TULP4: variants seen among roughly 807,000 people sequenced by gnomAD.
TULP4 encodes the protein tubby-related protein 4.
TULP4 carries 16 observed loss-of-function variants against 129.0 expected under a neutral mutation model. That is an observed-to-expected ratio of 0.12 (90% CI 0.08 to 0.19). TULP4 has a LOEUF of 0.19. Ranked by LOEUF, TULP4 falls within the 10% of genes least tolerant of loss-of-function variation. TULP4 has a pLI of 1.00. For synonymous variants in TULP4, 998 were observed against 854.0 expected (o/e 1.17, Z -2.94); for missense variants, 1,842 against 2,059.1 (o/e 0.89, Z 2.04).
intron 5 of TULP4, among the ~76,000 whole-genome samples, chr6:158,461,350 G>A (rs1349478778): frequency 2.6e-5 from 4 of 151,684 alleles, no homozygotes; most frequent in African/African-American, 4.8e-5. Context: ...GGCGGAGGTT[G>A]CAGTGAGCCG....
chr6:158,379,383 A>G (rs1777273466), intron 1 of TULP4, among the ~76,000 whole-genome samples: 1 of 152,228 alleles, frequency 6.6e-6, no homozygotes, highest in South Asian at 2.1e-4. Context: ...ACTAAACGCT[A>G]GAGTGCTCAG....
chr6:158,272,176 C>T (rs987324463), intron 1 of TULP4, among the ~76,000 whole-genome samples: 1 of 152,010 alleles, frequency 6.6e-6, no homozygotes, highest in African/African-American at 2.4e-5. Flanking sequence ...TTCAAGGTGC[C>T]AAGGACCATG....
At chr6:158,275,543 A>T (rs140636607) in intron 1 of TULP4, among the ~76,000 whole-genome samples, 44 of 152,280 alleles carry the variant, frequency 2.9e-4, no homozygotes, top group African/African-American at 1.0e-3. Flanking sequence ...TACTTTCTTT[A>T]GCTCTCAATG....
At chr6:158,489,937 A>C (rs1173912317) in intron 9 of TULP4, among the ~76,000 whole-genome samples, 1 of 152,174 alleles carries the variant, frequency 6.6e-6, no homozygotes, top group Non-Finnish European at 1.5e-5. Context: ...TACCCAGTAG[A>C]AGTTTGCTAC....
intron 3 of TULP4, among the ~76,000 whole-genome samples, chr6:158,444,421 T>C (rs955021755): frequency 2.0e-5 from 3 of 152,030 alleles, no homozygotes; most frequent in Middle Eastern, 3.4e-3. Context: ...TTTTAATGTA[T>C]TCCCCCAGCC....
At chr6:158,242,619 T>TTGA in intron 1 of TULP4, 2 of 705,164 alleles carry the variant, frequency 2.8e-6, no homozygotes, top group Non-Finnish European at 5.3e-6. Context: ...GGTGCAAGTA[T>TTGA]TGATGACATT....
At position 158,393,848 on chromosome 6, in the gene TULP4, T is replaced by C. The variant is rs146991664; in HGVS notation, c.253-19217T>C. Among the ~76,000 whole-genome samples the C allele has an allele frequency of 4.2e-3, 646 of 152,366 alleles. 3 individuals are homozygous for C. Among genetic ancestry groups the C allele is most frequent in the Non-Finnish European group, 7.0e-3 (476 of 68,036 alleles). Reference sequence around the variant, plus strand: ...ACCTGGAGACATTTTCCCCATCGTCTTGGCGATTAACATTCAGCTCCTCTT... The same window carrying C: ...ACCTGGAGACATTTTCCCCATCGTCCTGGCGATTAACATTCAGCTCCTCTT... On this transcript the variant is annotated intron_variant, in intron 1 of 13. Transcript: ENST00000367097.
intron 1 of TULP4, among the ~76,000 whole-genome samples, chr6:158,380,508 A>G (rs1396626431): frequency 6.6e-6 from 1 of 152,224 alleles, no homozygotes; most frequent in Non-Finnish European, 1.5e-5. Context: ...GGTTATTTGC[A>G]TAGAAAGTTG....
At chr6:158,480,049 G>T (rs1360806153) in intron 7 of TULP4, 74 bp downstream of exon 7, 2 of 1,263,004 alleles carry the variant, frequency 1.6e-6, no homozygotes, top group East Asian at 2.4e-5. Context: ...GGCAGAGACA[G>T]GTGAGGGTAC....
chr6:158,506,548 A>C (rs1046835170), intron 13 of TULP4, 30 bp from the exon 14 acceptor site: 3 of 1,457,306 alleles, frequency 2.1e-6, no homozygotes, highest in Non-Finnish European at 2.9e-6. Context: ...CTTATTCTTT[A>C]ATGTCTTTGC....
chr6:158,428,452 C>G (rs946934714), intron 2 of TULP4: 1 of 152,106 alleles, frequency 6.6e-6, no homozygotes, highest in South Asian at 2.1e-4. Flanking sequence ...AAGACAATAC[C>G]TCTAAATTGG....
upstream of TULP4, among the ~76,000 whole-genome samples, chr6:158,309,070 C>T (rs1177988245): frequency 5.5e-5 from 7 of 128,118 alleles, no homozygotes; most frequent in Non-Finnish European, 5.1e-5. Context: ...GGCTGCCGGG[C>T]GGAGACGCTC....
chr6:158,308,747 C>T (rs1342310366), upstream of TULP4, among the ~76,000 whole-genome samples: 10 of 142,560 alleles, frequency 7.0e-5, no homozygotes, highest in Non-Finnish European at 1.2e-4. Flanking sequence ...GGCGGCTGGC[C>T]GGGCGGGGGG....
chr6:158,378,500 T>TG (rs1777250693), intron 1 of TULP4, among the ~76,000 whole-genome samples: 1 of 59,770 alleles, frequency 1.7e-5, no homozygotes, highest in Non-Finnish European at 3.1e-5. Flanking sequence ...GGGGTGGGGG[T>TG]GGGAGATGGA....
intron 1 of TULP4, among the ~76,000 whole-genome samples, chr6:158,380,206 G>C (rs575357589): frequency 6.6e-6 from 1 of 152,184 alleles, no homozygotes; most frequent in East Asian, 1.9e-4. Context: ...CATTAAAACT[G>C]TGATCAGTTG....
chr6:158,343,814 T>G (rs1780241508), intron 1 of TULP4, among the ~76,000 whole-genome samples: 1 of 152,234 alleles, frequency 6.6e-6, no homozygotes, highest in African/African-American at 2.4e-5. Context: ...ACAAATAGTT[T>G]GTCTTAAAAT....
intron 5 of TULP4, 133 bp downstream of exon 5, chr6:158,452,401 G>T: frequency 8.4e-7 from 1 of 1,189,584 alleles, no homozygotes. Context: ...CATGGAGTCT[G>T]TTAACTAAAG....
intron 5 of TULP4, among the ~76,000 whole-genome samples, chr6:158,453,824 G>A (rs1390017248): frequency 6.7e-6 from 1 of 149,132 alleles, no homozygotes; most frequent in Non-Finnish European, 1.5e-5. Flanking sequence ...GTGGTGGCGT[G>A]TGCCTATAGT....
At chr6:158,431,197 G>A (rs1196433682) in intron 3 of TULP4, among the ~76,000 whole-genome samples, 5 of 151,998 alleles carry the variant, frequency 3.3e-5, no homozygotes, top group African/African-American at 4.8e-5. Flanking sequence ...TCTCAGAAGT[G>A]CGTTGCATTA....
Sources: allele counts gnomAD v4.1 joint callset (sites outside exome capture counted in the v4.1 genomes callset), GRCh38; gene constraint gnomAD v4.1.1; transcripts MANE v1.5; gene names NCBI Gene and HGNC (gene_info 2026-07-23, HGNC 2026-07-21).